ATP10B: variants seen among roughly 807,000 people sequenced by gnomAD.
ATP10B encodes the protein ATPase phospholipid transporting 10B (putative), also known as phospholipid-transporting ATPase VB.
A neutral mutation model predicts 141.2 loss-of-function variants in ATP10B; 122 were observed. The ratio of observed to expected loss-of-function variants is 0.86; its 90% CI spans 0.75 to 1.00. The LOEUF (loss-of-function observed/expected upper bound fraction) is 1.00, where lower values mean the gene tolerates loss of function less well. Among genes scored for constraint, ATP10B ranks in the 50% least tolerant of loss-of-function variants. ATP10B has a pLI of 0.00. For synonymous variants in ATP10B, 685 were observed against 692.0 expected, an observed-to-expected ratio of 0.99 and a Z score of 0.16; for missense variants, 1,876 against 1,825.3, an observed-to-expected ratio of 1.03 and a Z score of -0.51.
chr5:160,591,662 G>A (rs982557424), intron 22 of ATP10B, among the ~76,000 whole-genome samples: 7 of 152,042 alleles, frequency 4.6e-5, no homozygotes, highest in South Asian at 4.2e-4. Context: ...AGGCATCAGC[G>A]GCTCCAGAAA....
At chr5:160,686,542 T>C (rs534161205) in intron 5 of ATP10B, among the ~76,000 whole-genome samples, 1 of 152,320 alleles carries the variant, frequency 6.6e-6, no homozygotes, top group South Asian at 2.1e-4. Flanking sequence ...CCGAGCAGTA[T>C]ACTCTGCACC....
intron 2 of ATP10B, among the ~76,000 whole-genome samples, chr5:160,747,281 C>A (rs1432790): frequency 0.55 from 84,211 of 151,912 alleles, 23,627 homozygotes; most frequent in East Asian, 0.64. Context: ...TGGATTCCTT[C>A]CTAGTACTTT....
In ATP10B at chr5:160,607,097, G is replaced by A. The variant is rs1757437106; in HGVS notation, c.2839-11C>T. On this transcript the variant is annotated splice_polypyrimidine_tract_variant and intron_variant, in intron 18 of 25. Transcript: ENST00000327245. ...GGATTCACAGGTCTCCTATAAAGAA[G>A]CATAATAATACAGTATTTGTAAGCA... is the stretch of plus-strand genomic sequence containing the variant. 1 of 1,606,520 alleles carries A rather than the reference G, an allele frequency of 6.2e-7. No homozygotes were observed.
chr5:160,783,061 TAC>T (rs1251164816), intron 2 of ATP10B, among the ~76,000 whole-genome samples: 1 of 152,054 alleles, frequency 6.6e-6, no homozygotes, highest in Non-Finnish European at 1.5e-5. Context: ...GTTATTGTGG[TAC>T]AGTTTGGTTA....
the ATP10B span, among the ~76,000 whole-genome samples, chr5:160,867,619 T>G: frequency 1.3e-5 from 2 of 152,096 alleles, no homozygotes; most frequent in South Asian, 4.1e-4. Flanking sequence ...TATTTTTGAC[T>G]TAGATTGGGA....
chr5:160,857,800 G>A, the ATP10B span, among the ~76,000 whole-genome samples: 2 of 151,776 alleles, frequency 1.3e-5, no homozygotes, highest in South Asian at 4.1e-4. Flanking sequence ...ATTTTCAAGT[G>A]TTTTCAGATT....
At chr5:160,704,751 C>T (rs1045899916) in intron 3 of ATP10B, among the ~76,000 whole-genome samples, 1 of 152,060 alleles carries the variant, frequency 6.6e-6, no homozygotes. Flanking sequence ...AGCGCAGCCA[C>T]TTTTACCAAT....
rs1238476981 is a variant in ATP10B, at chr5:160,852,040, T to C, written c.-675A>G. The C allele has an allele frequency of 2.0e-5, 3 of 152,254 alleles. No homozygotes were observed. The highest frequency in any genetic ancestry group is 2.9e-5 in the Non-Finnish European group (2 of 68,040). 9.4% of individuals were successfully genotyped at this position (152,254 alleles called of 1,614,324 possible). On this transcript the variant is annotated 5_prime_UTR_variant, in exon 1 of 26. Transcript: ENST00000327245. ...TCGCACACCTTGGCTAAAATAGTTC[T>C]CTTTCCTATGGAATTTTTCATTTTT...
At chr5:160,584,070 G>A (rs995169656) in intron 24 of ATP10B, among the ~76,000 whole-genome samples, 13 of 151,852 alleles carry the variant, frequency 8.6e-5, no homozygotes, top group African/African-American at 3.1e-4. Context: ...AGGCACCACT[G>A]GGGTATGGAA....
Position 160,830,399 on chromosome 5 carries a change from A to T in ATP10B, c.-576+21542T>A, listed in dbSNP as rs183603828. Among the ~76,000 whole-genome samples the T allele has an allele frequency of 1.6e-3, 236 of 152,220 alleles. 1 individual carries two copies. The highest frequency in any genetic ancestry group is 5.2e-3 in the African/African-American group (216 of 41,546). Reference sequence around the variant, plus strand: ...GTTGACTTTATGCCTTGGAAGTGAAATGTTCAATACATGTGTGCTGAATAA... The same window carrying T: ...GTTGACTTTATGCCTTGGAAGTGAATTGTTCAATACATGTGTGCTGAATAA... On this transcript the variant is annotated intron_variant, in intron 1 of 25. Transcript: ENST00000327245.
At position 160,793,186 on chromosome 5, in the gene ATP10B, T is replaced by G. The variant is rs149150492; in HGVS notation, c.-575-7383A>C. ...CCTAAGTATTTTTGCCATTTGAAAC[T>G]TTCTCTTCAAAGTTCCATTTTTTTT... is the stretch of plus-strand genomic sequence containing the variant. On this transcript the variant is annotated intron_variant, in intron 1 of 25. Transcript: ENST00000327245. 1.0e-4 allele frequency among the ~76,000 whole-genome samples: 15 copies of G among 145,080 alleles called. No individual in the cohort carries two copies. The East Asian group carries it at 2.4e-3, about 23-fold the overall frequency.
chr5:160,638,765 G>A (rs1411745698), intron 10 of ATP10B, among the ~76,000 whole-genome samples: 1 of 152,264 alleles, frequency 6.6e-6, no homozygotes, highest in African/African-American at 2.4e-5. Flanking sequence ...CATTGGTTTC[G>A]GGTCTGCATA....
At chr5:160,610,550 G>A (rs1757664432) in intron 18 of ATP10B, among the ~76,000 whole-genome samples, 1 of 152,216 alleles carries the variant, frequency 6.6e-6, no homozygotes, top group Non-Finnish European at 1.5e-5. Flanking sequence ...AAGGTTTGGA[G>A]TAATTTGTTA....
the ATP10B span, among the ~76,000 whole-genome samples, chr5:160,884,930 G>A: frequency 2.0e-5 from 3 of 152,114 alleles, no homozygotes; most frequent in Non-Finnish European, 4.4e-5. Flanking sequence ...TGCATGTTTT[G>A]GTTGGGCAGA....
intron 6 of ATP10B, 86 bp from the exon 7 acceptor site, chr5:160,670,753 C>T: frequency 8.3e-7 from 1 of 1,206,196 alleles, no homozygotes; most frequent in East Asian, 2.3e-5. Context: ...CCCACCAGCA[C>T]CTAACTATCC....
intron 25 of ATP10B, among the ~76,000 whole-genome samples, chr5:160,568,692 A>G (rs1489685806): frequency 6.6e-6 from 1 of 152,112 alleles, no homozygotes; most frequent in Non-Finnish European, 1.5e-5. Context: ...CAGCTGTCCC[A>G]TGAGTGGGGT....
At chr5:160,801,107 CAGGAATCCACTAACGATG>C (rs1772345399) in intron 1 of ATP10B, among the ~76,000 whole-genome samples, 1 of 152,146 alleles carries the variant, frequency 6.6e-6, no homozygotes, top group Admixed American at 6.5e-5. Context: ...ATCTGTGGCC[CAGGAATCCACTAACGATG>C]TATTCATCCA....
At chr5:160,808,871 A>C (rs1466186128) in intron 1 of ATP10B, among the ~76,000 whole-genome samples, 1 of 152,230 alleles carries the variant, frequency 6.6e-6, no homozygotes, top group Non-Finnish European at 1.5e-5. Context: ...TCGAAGTCTG[A>C]AATCAAGGTG....
chr5:160,636,868 C>A (rs1408310549), intron 10 of ATP10B, among the ~76,000 whole-genome samples: 1 of 151,704 alleles, frequency 6.6e-6, no homozygotes, highest in Admixed American at 6.6e-5. Flanking sequence ...ACCCTTCCTT[C>A]CTTCCTTCCA....
Sources: allele counts gnomAD v4.1 joint callset (sites outside exome capture counted in the v4.1 genomes callset), GRCh38; gene constraint gnomAD v4.1.1; transcripts MANE v1.5; gene names NCBI Gene and HGNC (gene_info 2026-07-23, HGNC 2026-07-21).